The following NHSL1 variants were observed in gnomAD, a reference collection of about 807,000 sequenced individuals.
NHSL1 encodes NHS-like protein 1.
In NHSL1, 48 loss-of-function variants were observed where a neutral mutation model predicts 95.0. The ratio of observed to expected loss-of-function variants is 0.51; its 90% CI spans 0.40 to 0.64. NHSL1 has a LOEUF of 0.64. Among genes scored for constraint, NHSL1 ranks in the 30% least tolerant of loss-of-function variants. The pLI is 0.00. For synonymous variants in NHSL1, 783 were observed against 833.9 expected, an observed-to-expected ratio of 0.94 and a Z score of 1.05; for missense variants, 1,971 against 2,077.7, an observed-to-expected ratio of 0.95 and a Z score of 1.00.
chr6:138,493,286 C>T (rs1334611070), intron 2 of NHSL1, among the ~76,000 whole-genome samples: 2 of 152,118 alleles, frequency 1.3e-5, no homozygotes, highest in African/African-American at 4.8e-5. Context: ...ATAGTAAATC[C>T]CTTTGATGAA....
chr6:138,632,894 A>G (rs1298545923), intron 1 of NHSL1, among the ~76,000 whole-genome samples: 1 of 152,196 alleles, frequency 6.6e-6, no homozygotes, highest in African/African-American at 2.4e-5. Flanking sequence ...ATCCTGGAGA[A>G]AGAGATATGT....
intron 7 of NHSL1, among the ~76,000 whole-genome samples, chr6:138,427,140 C>T (rs936824094): frequency 1.4e-4 from 21 of 152,114 alleles, no homozygotes; most frequent in Admixed American, 1.1e-3. Context: ...AGATTTTAAA[C>T]GGTGAGAGTA....
At chr6:138,618,753 A>C (rs149660786) in intron 1 of NHSL1, among the ~76,000 whole-genome samples, 162 of 152,320 alleles carry the variant, frequency 1.1e-3, no homozygotes, top group African/African-American at 3.8e-3. Context: ...AAAAGAAATA[A>C]TGACTTGTAC....
chr6:138,629,346 T>C (rs1255156166), intron 1 of NHSL1, among the ~76,000 whole-genome samples: 5 of 152,202 alleles, frequency 3.3e-5, no homozygotes, highest in Non-Finnish European at 7.3e-5. Context: ...AATTTATTTG[T>C]TGCCCAATAA....
At chr6:138,603,243 G>C (rs1485180706) in intron 1 of NHSL1, among the ~76,000 whole-genome samples, 1 of 151,968 alleles carries the variant, frequency 6.6e-6, no homozygotes, top group South Asian at 2.1e-4. Context: ...TAGAGATGAG[G>C]TTTGTCATGT....
intron 1 of NHSL1, chr6:138,691,942 T>G (rs1367054114): frequency 2.2e-6 from 1 of 456,640 alleles, no homozygotes; most frequent in East Asian, 6.9e-5. Context: ...AAAGTCTGCA[T>G]AGTTTTGCTT....
intron 2 of NHSL1, among the ~76,000 whole-genome samples, chr6:138,489,766 A>G (rs35400165): frequency 0.018 from 2,538 of 144,698 alleles, 32 homozygotes; most frequent in Non-Finnish European, 0.026. Context: ...TGTCTCAAAA[A>G]AAAAAAAAAA....
chr6:138,585,879 CAA>C (rs776882873), intron 1 of NHSL1, among the ~76,000 whole-genome samples: 2 of 112,916 alleles, frequency 1.8e-5, no homozygotes, highest in Admixed American at 9.1e-5. Context: ...CCAGTCTCTA[CAA>C]AAAAAAAAAA....
chr6:138,435,811 A>G (rs116812886), intron 5 of NHSL1, among the ~76,000 whole-genome samples: 1,964 of 151,454 alleles, frequency 0.013, 38 homozygotes, highest in African/African-American at 0.045. Flanking sequence ...TTTTTCTAAC[A>G]TGCTTACTGT....
At chr6:138,691,787 C>A in intron 1 of NHSL1, 1 of 414,352 alleles carries the variant, frequency 2.4e-6, no homozygotes. Flanking sequence ...AGGACATAGA[C>A]TTGACTTTCA....
chr6:138,455,577 G>GGAGCCC (rs1554226717), intron 3 of NHSL1, among the ~76,000 whole-genome samples: 1 of 137,690 alleles, frequency 7.3e-6, no homozygotes, highest in Admixed American at 7.8e-5. Context: ...ATGCTTCCTG[G>GGAGCCC]TGCTTTCGAG....
chr6:138,588,291 C>T (rs942592874), intron 1 of NHSL1, among the ~76,000 whole-genome samples: 1 of 152,156 alleles, frequency 6.6e-6, no homozygotes, highest in African/African-American at 2.4e-5. Flanking sequence ...GGTGAAACCC[C>T]GCCTCTACTA....
At chr6:138,600,592 C>T (rs1344727220) in intron 1 of NHSL1, among the ~76,000 whole-genome samples, 1 of 152,172 alleles carries the variant, frequency 6.6e-6, no homozygotes, top group East Asian at 1.9e-4. Context: ...ATCCTTGCTT[C>T]CCTGGGTTTA....
intron 5 of NHSL1, among the ~76,000 whole-genome samples, chr6:138,437,793 A>G (rs1185850209): frequency 6.6e-6 from 1 of 152,220 alleles, no homozygotes; most frequent in Non-Finnish European, 1.5e-5. Flanking sequence ...TGAGAGGATC[A>G]AGACTGAAGT....
At chr6:138,531,520 C>CTT (rs148821238) in intron 1 of NHSL1, among the ~76,000 whole-genome samples, 68 of 144,788 alleles carry the variant, frequency 4.7e-4, no homozygotes, top group African/African-American at 1.1e-3. Flanking sequence ...GTTTCTCTCT[C>CTT]TTTTTTTTTT....
At position 138,433,492 on chromosome 6, in the gene NHSL1, G is replaced by C. The variant is rs1399702801; in HGVS notation, c.853C>G (p.Gln285Glu). ...TGGCCCATCTGGGCAGCAATGCCTT[G>C]CCCCTTCTGTGCCCTGATTCTCCTC... is the stretch of plus-strand genomic sequence containing the variant. ...SMRRIRAQKG[Q>E]GIAAQMGHFS... is the part of the protein sequence containing the mutation. Residue 285 changes from glutamine (Q) to glutamate (E), a missense_variant, in exon 6 of 8, where the codon CAA becomes GAA. This residue lies in a region of NHSL1 where 1,602 missense variants were observed against 1,654.5 expected (regional missense o/e 0.97). Coordinates refer to ENST00000343505, the MANE Select transcript of NHSL1 (RefSeq NM_001144060.2). 1.3e-6 allele frequency: 2 copies of C among 1,552,122 alleles called. No homozygotes were observed. The highest frequency in any genetic ancestry group is 1.7e-4 in the Middle Eastern group (1 of 5,994).
At chr6:138,615,898 G>A (rs1784572502) in intron 1 of NHSL1, among the ~76,000 whole-genome samples, 1 of 144,350 alleles carries the variant, frequency 6.9e-6, no homozygotes, top group South Asian at 2.3e-4. Context: ...TAACTGTACT[G>A]ACTTAGATTA....
chr6:138,550,940 GC>G (rs1318481990), intron 1 of NHSL1, among the ~76,000 whole-genome samples: 1 of 152,180 alleles, frequency 6.6e-6, no homozygotes, highest in East Asian at 1.9e-4. Flanking sequence ...CACCTCAGCT[GC>G]AAAGTACAGT....
In NHSL1 at chr6:138,516,009, T is replaced by C. The variant is rs1781445009; in HGVS notation, c.17-19638A>G. On this transcript the variant is annotated intron_variant, in intron 1 of 4. Transcript: ENST00000342260. The stretch of plus-strand genomic sequence containing the variant: ...GAGAGGCTGGGAGTTGGAAACCACA[T>C]TTCCCAGACTCTTTGACACAGGGGC... 3.9e-5 allele frequency among the ~76,000 whole-genome samples: 6 copies of C among 152,328 alleles called. No individual in the cohort carries two copies. The South Asian group carries it at 1.2e-3, about 32-fold the overall frequency.
Sources: allele counts gnomAD v4.1 joint callset (sites outside exome capture counted in the v4.1 genomes callset), GRCh38; gene constraint gnomAD v4.1.1; regional missense constraint gnomAD v4.1.1; transcripts MANE v1.5; gene names NCBI Gene and HGNC (gene_info 2026-07-23, HGNC 2026-07-21).